The following ETNK1 variants were observed in gnomAD, a reference collection of about 807,000 sequenced individuals.
ETNK1 encodes the protein putative protein product of Nbla10396.
Under a neutral mutation model 45.1 loss-of-function variants are expected in ETNK1, and 8 were observed. That is an observed-to-expected ratio of 0.18 (90% CI 0.10 to 0.32). The LOEUF is 0.32. ETNK1 is among the 10% of genes least tolerant of loss of function. The pLI, the probability that ETNK1 is intolerant of heterozygous loss-of-function variation, is 1.00. For synonymous variants in ETNK1, 152 were observed against 151.9 expected, an observed-to-expected ratio of 1.00 and a Z score of -0.01; for missense variants, 302 against 430.6, an observed-to-expected ratio of 0.70 and a Z score of 2.64.
intron 4 of ETNK1, among the ~76,000 whole-genome samples, chr12:22,663,933 G>A (rs552404037): frequency 6.1e-4 from 92 of 151,752 alleles, no homozygotes; most frequent in African/African-American, 2.1e-3. Flanking sequence ...GTTTAAAAGA[G>A]TAATTTCTAT....
In ETNK1 at chr12:22,688,990, G is replaced by T. The variant is rs1592141165; in HGVS notation, c.*4036G>T. 1 of 151,884 alleles carries T rather than the reference G, an allele frequency of 6.6e-6. No individual in the cohort carries two copies. Among genetic ancestry groups the T allele is most frequent in the African/African-American group, 2.4e-5 (1 of 41,422 alleles). 9.4% of individuals were successfully genotyped at this position (151,884 alleles called of 1,614,324 possible). On this transcript the variant is annotated 3_prime_UTR_variant, in exon 8 of 8. Coordinates refer to ENST00000266517, the MANE Select transcript of ETNK1 (RefSeq NM_018638.5). ...GGGTTTGATGTCGTTGGACAGAAAA[G>T]TGTATCAATTATTTTAAATGAATTT...
At chr12:22,682,221 T>C (rs1954221014) in intron 6 of ETNK1, 1 of 426,746 alleles carries the variant, frequency 2.3e-6, no homozygotes, top group Non-Finnish European at 4.6e-6. Context: ...TATAGTACTA[T>C]ATTGAGAAGC....
intron 1 of ETNK1, among the ~76,000 whole-genome samples, chr12:22,629,502 A>G (rs1953547328): frequency 6.6e-6 from 1 of 152,172 alleles, no homozygotes; most frequent in Middle Eastern, 3.2e-3. Flanking sequence ...ATAATCTATT[A>G]AAAACCTGTA....
chr12:22,627,728 C>T (rs1214544112), intron 1 of ETNK1, among the ~76,000 whole-genome samples: 2 of 151,834 alleles, frequency 1.3e-5, no homozygotes. Context: ...TTAGAGCAGT[C>T]GAGTATCAGT....
At chr12:22,628,594 A>C (rs1274397821) in intron 1 of ETNK1, among the ~76,000 whole-genome samples, 2 of 152,114 alleles carry the variant, frequency 1.3e-5, no homozygotes, top group Non-Finnish European at 2.9e-5. Flanking sequence ...GTCAGATCTC[A>C]GGTCCATAAT....
At chr12:22,637,537 G>A (rs1292111054) in intron 1 of ETNK1, among the ~76,000 whole-genome samples, 1 of 152,206 alleles carries the variant, frequency 6.6e-6, no homozygotes, top group Non-Finnish European at 1.5e-5. Flanking sequence ...TAGTATATGT[G>A]CACATGTGCC....
chr12:22,666,671 T>C (rs1434788380), intron 4 of ETNK1, among the ~76,000 whole-genome samples: 1 of 152,190 alleles, frequency 6.6e-6, no homozygotes. Flanking sequence ...ACTGTTTATT[T>C]TCTCTGTCAG....
chr12:22,671,853 A>G (rs1954111539), intron 5 of ETNK1, among the ~76,000 whole-genome samples: 1 of 150,988 alleles, frequency 6.6e-6, no homozygotes, highest in African/African-American at 2.4e-5. Flanking sequence ...AAAAAAAAAA[A>G]AAAAAAAAAA....
chr12:22,626,683 A>T (rs1953503145), intron 1 of ETNK1, among the ~76,000 whole-genome samples: 3 of 152,200 alleles, frequency 2.0e-5, no homozygotes. Flanking sequence ...TGTTAGTTTC[A>T]GTTCTTATTA....
chr12:22,625,754 T>C, intron 1 of ETNK1, 168 bp downstream of exon 1: 1 of 1,008,804 alleles, frequency 9.9e-7, no homozygotes, highest in Non-Finnish European at 1.5e-6. Flanking sequence ...GGAGGGTCAC[T>C]CCCCCTTCCC....
chr12:22,682,340 G>T (rs571817755), intron 6 of ETNK1: 46 of 464,014 alleles, frequency 9.9e-5, no homozygotes, highest in Non-Finnish European at 1.6e-4. Flanking sequence ...CACTGAAATG[G>T]CAAGTTATCT....
intron 1 of ETNK1, chr12:22,638,809 A>T (rs920081748): frequency 6.6e-6 from 1 of 152,166 alleles, no homozygotes; most frequent in Non-Finnish European, 1.5e-5. Context: ...ATTATCCAGA[A>T]TCCGTATTTG....
At chr12:22,656,150 T>C (rs1953938083) in intron 2 of ETNK1, among the ~76,000 whole-genome samples, 1 of 152,222 alleles carries the variant, frequency 6.6e-6, no homozygotes, top group Admixed American at 6.5e-5. Context: ...AGTAGAATTG[T>C]CATTTCAGTT....
chr12:22,645,773 A>G lies in ETNK1; in HGVS notation c.416+1751A>G, dbSNP rs545450815. 7.1e-4 allele frequency among the ~76,000 whole-genome samples: 108 copies of G among 151,794 alleles called. No homozygotes were observed. In the Middle Eastern group the frequency reaches 0.01, roughly 14 times the overall value. The stretch of plus-strand genomic sequence containing the variant: ...AATATACAATAAATTATTGTTAACT[A>G]TAATTTCCTTGCTGTATTATTGAAT... On this transcript the variant is annotated intron_variant, in intron 2 of 7. Coordinates refer to ENST00000266517, the MANE Select transcript of ETNK1 (RefSeq NM_018638.5).
chr12:22,658,388 T>G (rs1048416845), intron 2 of ETNK1, among the ~76,000 whole-genome samples: 2 of 152,208 alleles, frequency 1.3e-5, no homozygotes, highest in African/African-American at 4.8e-5. Flanking sequence ...TTCAGGAATC[T>G]GACTCACCAG....
At chr12:22,656,716 C>G (rs1165921731) in intron 2 of ETNK1, 2 of 984,792 alleles carry the variant, frequency 2.0e-6, no homozygotes, top group African/African-American at 3.5e-5. Context: ...TGTAAGAGAC[C>G]CCAAATCAGG....
chr12:22,649,618 T>TTA (rs1221234369), intron 2 of ETNK1, among the ~76,000 whole-genome samples: 1 of 152,092 alleles, frequency 6.6e-6, no homozygotes, highest in African/African-American at 2.4e-5. Flanking sequence ...TGCTATAGCT[T>TTA]TATGGTAAGT....
At chr12:22,680,507 C>T (rs565135676) in intron 6 of ETNK1, among the ~76,000 whole-genome samples, 27 of 152,096 alleles carry the variant, frequency 1.8e-4, no homozygotes, top group Non-Finnish European at 3.1e-4. Context: ...TCATTTTGTG[C>T]GGGCATACTC....
At chr12:22,627,830 A>G (rs912946140) in intron 1 of ETNK1, among the ~76,000 whole-genome samples, 2 of 152,072 alleles carry the variant, frequency 1.3e-5, no homozygotes, top group African/African-American at 4.8e-5. Flanking sequence ...CTGTAGTAAT[A>G]CTTATCTGGT....
Sources: allele counts gnomAD v4.1 joint callset (sites outside exome capture counted in the v4.1 genomes callset), GRCh38; gene constraint gnomAD v4.1.1; transcripts MANE v1.5; gene names NCBI Gene and HGNC (gene_info 2026-07-23, HGNC 2026-07-21).